NEK1: variants seen among roughly 807,000 people sequenced by gnomAD.
NEK1 encodes the protein NIMA related kinase 1.
In NEK1, 137 loss-of-function variants were observed where a neutral mutation model predicts 182.1. The ratio of observed to expected loss-of-function variants is 0.75; its 90% CI spans 0.65 to 0.87. NEK1 has a LOEUF of 0.87. Ranked by LOEUF, NEK1 falls within the 40% of genes least tolerant of loss-of-function variation. The probability of loss-of-function intolerance (pLI) is 0.00; values close to 1 mark genes in which losing one functional copy is unlikely to be tolerated. For missense variants in NEK1, 1,391 were observed against 1,494.4 expected, an observed-to-expected ratio of 0.93 and a Z score of 1.14; for synonymous variants, 513 against 492.2, an observed-to-expected ratio of 1.04 and a Z score of -0.56.
At chr4:169,475,079 C>G (rs751633259) in intron 26 of NEK1, among the ~76,000 whole-genome samples, 1 of 152,068 alleles carries the variant, frequency 6.6e-6, no homozygotes, top group African/African-American at 2.4e-5. Flanking sequence ...GATTGCCCAG[C>G]CTTTAGAGTT....
chr4:169,583,266 C>CAA (rs113591219), intron 10 of NEK1, among the ~76,000 whole-genome samples: 57,461 of 124,158 alleles, frequency 0.46, 14,598 homozygotes, highest in East Asian at 0.75. Flanking sequence ...GACTCCATCT[C>CAA]AAAAAAAAAA....
intron 19 of NEK1, among the ~76,000 whole-genome samples, chr4:169,526,855 A>G (rs1360272519): frequency 6.6e-6 from 1 of 152,228 alleles, no homozygotes; most frequent in African/African-American, 2.4e-5. Context: ...TCATGCCATC[A>G]GAGAACCAGA....
intron 31 of NEK1, among the ~76,000 whole-genome samples, chr4:169,407,697 T>C (rs940304145): frequency 2.6e-5 from 4 of 152,166 alleles, no homozygotes; most frequent in African/African-American, 9.7e-5. Flanking sequence ...CACAGCTGGG[T>C]TAACCCTAAA....
intron 27 of NEK1, among the ~76,000 whole-genome samples, chr4:169,443,647 G>T (rs1055376485): frequency 1.3e-5 from 2 of 151,912 alleles, no homozygotes; most frequent in African/African-American, 4.8e-5. Flanking sequence ...CCCAAGCCTT[G>T]TAAGAGATAT....
intron 12 of NEK1, among the ~76,000 whole-genome samples, chr4:169,568,430 G>C (rs1236062061): frequency 6.6e-6 from 1 of 151,952 alleles, no homozygotes; most frequent in African/African-American, 2.4e-5. Flanking sequence ...TATTTCCAAA[G>C]AAATTTTGAT....
At chr4:169,603,231 AC>A (rs2150143268) in intron 2 of NEK1, among the ~76,000 whole-genome samples, 1 of 152,282 alleles carries the variant, frequency 6.6e-6, no homozygotes, top group South Asian at 2.1e-4. Flanking sequence ...GTCTACTAAT[AC>A]GTATTTAGCC....
intron 16 of NEK1, 23 bp from the exon 17 acceptor site, chr4:169,556,118 T>C (rs1200544984): frequency 1.3e-6 from 2 of 1,599,978 alleles, no homozygotes; most frequent in Non-Finnish European, 1.7e-6. Flanking sequence ...CAAAGAGCTC[T>C]CACATGTTTA....
intron 10 of NEK1, 56 bp from the exon 11 acceptor site, chr4:169,580,958 C>T: frequency 1.0e-6 from 1 of 954,274 alleles, no homozygotes; most frequent in Non-Finnish European, 1.6e-6. Context: ...AAATAAAAAA[C>T]CTACCCATTA....
At chr4:169,483,532 T>C (rs1748479164) in intron 23 of NEK1, among the ~76,000 whole-genome samples, 1 of 152,196 alleles carries the variant, frequency 6.6e-6, no homozygotes, top group South Asian at 2.1e-4. Context: ...TTTAGTCCCA[T>C]AGTTCAGTAT....
rs939689207 is a variant in NEK1 at position 169,414,416 on chromosome 4, C to T, written c.3223-7669G>A. Among the ~76,000 whole-genome samples, 10 of 151,486 alleles carry T rather than the reference C, an allele frequency of 6.6e-5. No homozygotes were observed. The East Asian group carries it at 1.9e-3, about 30-fold the overall frequency. On this transcript the variant is annotated intron_variant, in intron 31 of 35. Transcript: ENST00000507142. ...TTTTATTGGTTGTTATCCAATAACC[C>T]TATATAGAAAATTAACTTGTTTAAT...
chr4:169,455,667 C>T (rs1052576051), intron 27 of NEK1, among the ~76,000 whole-genome samples: 1 of 152,024 alleles, frequency 6.6e-6, no homozygotes, highest in Non-Finnish European at 1.5e-5. Flanking sequence ...TACAATAATA[C>T]CTGGAGACTT....
chr4:169,548,332 C>G (rs1760869361), intron 18 of NEK1, among the ~76,000 whole-genome samples: 1 of 152,256 alleles, frequency 6.6e-6, no homozygotes, highest in Non-Finnish European at 1.5e-5. Context: ...GTTCCTTCCT[C>G]TGGAAGCTTC....
intron 10 of NEK1, among the ~76,000 whole-genome samples, chr4:169,583,318 T>C (rs1394084425): frequency 6.7e-6 from 1 of 149,584 alleles, no homozygotes; most frequent in African/African-American, 2.5e-5. Flanking sequence ...AGATATATAG[T>C]ACAAAATAAA....
intron 35 of NEK1, chr4:169,400,021 G>A (rs1561118390): frequency 1.7e-6 from 1 of 590,356 alleles, no homozygotes; most frequent in Non-Finnish European, 3.0e-6. Context: ...TTAAAAATAT[G>A]GACTTAAAGG....
chr4:169,459,244 T>C (rs1462469518), intron 27 of NEK1, among the ~76,000 whole-genome samples: 3 of 152,142 alleles, frequency 2.0e-5, no homozygotes, highest in African/African-American at 7.2e-5. Context: ...CACTAAGGTA[T>C]ACAGGTGGCA....
chr4:169,539,360 C>T (rs1639683348), intron 18 of NEK1, among the ~76,000 whole-genome samples: 1 of 152,030 alleles, frequency 6.6e-6, no homozygotes. Flanking sequence ...GCTATATAGC[C>T]CCATTTATAT....
Position 169,486,656 on chromosome 4 carries a change from T to G in NEK1, c.2008-7122A>C, listed in dbSNP as rs193197965. ...ACCAATAGTATAAAAGTATTTGTAT[T>G]TGAATAAATTTTCTTAACTAGTATT... On this transcript the variant is annotated intron_variant, in intron 23 of 35. Transcript: ENST00000507142. 1.3e-3 allele frequency among the ~76,000 whole-genome samples: 201 copies of G among 152,332 alleles called. 2 individuals are homozygous for G. The highest frequency in any genetic ancestry group is 3.7e-4 in the Non-Finnish European group (25 of 68,032).
At chr4:169,488,940 C>T (rs1749547428) in intron 23 of NEK1, among the ~76,000 whole-genome samples, 4 of 152,020 alleles carry the variant, frequency 2.6e-5, no homozygotes. Context: ...GATAGAGCAA[C>T]ATTAGAGAAT....
intron 10 of NEK1, 63 bp downstream of exon 10, chr4:169,585,286 G>A: frequency 8.3e-7 from 1 of 1,205,466 alleles, no homozygotes. Context: ...CTCAACACTG[G>A]AGGCCATGTC....
Sources: allele counts gnomAD v4.1 joint callset (sites outside exome capture counted in the v4.1 genomes callset), GRCh38; gene constraint gnomAD v4.1.1; transcripts MANE v1.5; gene names NCBI Gene and HGNC (gene_info 2026-07-23, HGNC 2026-07-21).